CHRM3: variants seen among roughly 807,000 people sequenced by gnomAD.
CHRM3 encodes the protein cholinergic receptor muscarinic 3, also known as muscarinic acetylcholine receptor M3.
Under a neutral mutation model 41.8 loss-of-function variants are expected in CHRM3, and 11 were observed. The observed-to-expected ratio is 0.26, with a 90% confidence interval of 0.17 to 0.44. The LOEUF (loss-of-function observed/expected upper bound fraction) is 0.44, where lower values mean the gene tolerates loss of function less well. Ranked by LOEUF, CHRM3 falls within the 20% of genes least tolerant of loss-of-function variation. CHRM3 has a pLI of 1.00. For missense variants in CHRM3, 571 were observed against 745.4 expected (o/e 0.77, Z 2.72); for synonymous variants, 297 against 301.4 (o/e 0.99, Z 0.15).
chr1:239,863,212 C>T (rs1461779379), intron 6 of CHRM3, among the ~76,000 whole-genome samples: 1 of 152,092 alleles, frequency 6.6e-6, no homozygotes, highest in Admixed American at 6.5e-5. Context: ...AAAGAGACAC[C>T]CTGAATATAA....
chr1:239,699,388 G>A (rs1660483925), intron 5 of CHRM3, among the ~76,000 whole-genome samples: 1 of 152,096 alleles, frequency 6.6e-6, no homozygotes, highest in Non-Finnish European at 1.5e-5. Flanking sequence ...TATAAGAAGA[G>A]ATAGCTATCT....
chr1:239,412,835 C>T lies in CHRM3; in HGVS notation c.-521+25608C>T, dbSNP rs567066484. Reference sequence around the variant, plus strand: ...CAGACTTATTTCAAGATAAATCAGACTTTGGGAGGTCGAGGCGGGCAGATT... The same window carrying T: ...CAGACTTATTTCAAGATAAATCAGATTTTGGGAGGTCGAGGCGGGCAGATT... On this transcript the variant is annotated intron_variant, in intron 1 of 6. Transcript: ENST00000676153. Among the ~76,000 whole-genome samples, 18 of 152,008 alleles carry T rather than the reference C, an allele frequency of 1.2e-4. 1 individual carries two copies. Among genetic ancestry groups the T allele is most frequent in the African/African-American group, 3.9e-4 (16 of 41,462 alleles).
chr1:239,685,273 A>C (rs1352676146), intron 5 of CHRM3, among the ~76,000 whole-genome samples: 1 of 152,196 alleles, frequency 6.6e-6, no homozygotes, highest in African/African-American at 2.4e-5. Context: ...CTGTAAAAGT[A>C]AAAATAGTCA....
intron 6 of CHRM3, among the ~76,000 whole-genome samples, chr1:239,886,905 G>A (rs1455369254): frequency 6.6e-6 from 1 of 152,102 alleles, no homozygotes; most frequent in African/African-American, 2.4e-5. Flanking sequence ...TTTTATCAAA[G>A]CGACCTTTTC....
rs1553356875 is a variant in CHRM3, at chr1:239,662,893, C to CTTCTTCTTCTTCT, written c.-249-15292_-249-15291insTCTTCTTCTTCTT. Among the ~76,000 whole-genome samples, 312 of 46,398 alleles carry CTTCTTCTTCTTCT rather than the reference C, an allele frequency of 6.7e-3. 3 individuals carry two copies. Among genetic ancestry groups the CTTCTTCTTCTTCT allele is most frequent in the African/African-American group, 0.024 (300 of 12,722 alleles). The allele number at this position is 46,398 out of a possible 152,430, so 30.4% of individuals were successfully genotyped here. On this transcript the variant is annotated intron_variant, in intron 4 of 6. Coordinates refer to ENST00000676153, the MANE Select transcript of CHRM3 (RefSeq NM_001375978.1). ...TCTCCTCTTTCTCCTCTTCCTCCTC[C>CTTCTTCTTCTTCT]TCTTCTTCTTCTTCTTCTTCTTCTT...
chr1:239,879,580 C>T (rs374573344), intron 6 of CHRM3, among the ~76,000 whole-genome samples: 3 of 152,290 alleles, frequency 2.0e-5, no homozygotes, highest in Admixed American at 6.5e-5. Context: ...ATCAGGCTCC[C>T]GGGTGAACTG....
intron 5 of CHRM3, among the ~76,000 whole-genome samples, chr1:239,822,107 C>T (rs1251285586): frequency 3.9e-5 from 6 of 152,204 alleles, no homozygotes; most frequent in Admixed American, 3.9e-4. Context: ...TTCTTTATAG[C>T]AGTGTGAGAA....
chr1:239,897,851 T>A (rs1000560011), intron 6 of CHRM3, among the ~76,000 whole-genome samples: 2 of 152,238 alleles, frequency 1.3e-5, no homozygotes, highest in African/African-American at 4.8e-5. Context: ...AAAACTGTTA[T>A]TTCAGCAGCT....
At chr1:239,791,066 A>G (rs1031745994) in intron 5 of CHRM3, among the ~76,000 whole-genome samples, 3 of 148,676 alleles carry the variant, frequency 2.0e-5, no homozygotes, top group African/African-American at 7.5e-5. Flanking sequence ...AAAAAAAAAC[A>G]CACAAAACTA....
chr1:239,415,841 C>A (rs1000533681), intron 1 of CHRM3, among the ~76,000 whole-genome samples: 3 of 152,120 alleles, frequency 2.0e-5, no homozygotes, highest in African/African-American at 7.2e-5. Flanking sequence ...CTCTATGCAA[C>A]TTGGATGCTG....
intron 6 of CHRM3, among the ~76,000 whole-genome samples, chr1:239,897,388 T>C (rs532481789): frequency 3.8e-4 from 58 of 152,358 alleles, no homozygotes; most frequent in African/African-American, 1.3e-3. Context: ...CTTCACCAGG[T>C]GTCCTTTCAG....
intron 5 of CHRM3, among the ~76,000 whole-genome samples, chr1:239,754,419 T>A (rs1396445603): frequency 6.6e-6 from 1 of 152,206 alleles, no homozygotes; most frequent in Non-Finnish European, 1.5e-5. Flanking sequence ...AAATGGTAGT[T>A]CACTGAAGGC....
At chr1:239,640,224 C>T (rs1343761743) in intron 4 of CHRM3, among the ~76,000 whole-genome samples, 3 of 152,038 alleles carry the variant, frequency 2.0e-5, no homozygotes, top group Admixed American at 2.0e-4. Context: ...GTCTAAAATT[C>T]TCTTTTTTGG....
At chr1:239,573,654 G>A (rs995885536) in intron 3 of CHRM3, among the ~76,000 whole-genome samples, 2 of 151,718 alleles carry the variant, frequency 1.3e-5, no homozygotes, top group Admixed American at 1.3e-4. Context: ...CTCTAGTTCT[G>A]CCTGCTAATA....
chr1:239,484,338 G>A (rs1415552551), intron 1 of CHRM3, among the ~76,000 whole-genome samples: 1 of 152,130 alleles, frequency 6.6e-6, no homozygotes, highest in Non-Finnish European at 1.5e-5. Context: ...GGTATTCCAT[G>A]AACTAACTGA....
intron 5 of CHRM3, among the ~76,000 whole-genome samples, chr1:239,690,343 C>T (rs932144229): frequency 3.3e-5 from 5 of 152,020 alleles, no homozygotes; most frequent in African/African-American, 1.2e-4. Flanking sequence ...CCTCAGTATC[C>T]CGAGTAGCTG....
intron 2 of CHRM3, among the ~76,000 whole-genome samples, chr1:239,535,920 C>G (rs1435617168): frequency 2.0e-5 from 3 of 151,992 alleles, no homozygotes; most frequent in Admixed American, 2.0e-4. Context: ...GAAGGCAGCC[C>G]GGTCTGGAAT....
intron 1 of CHRM3, among the ~76,000 whole-genome samples, chr1:239,463,401 C>A (rs1463671910): frequency 6.6e-6 from 1 of 152,114 alleles, no homozygotes; most frequent in East Asian, 1.9e-4. Flanking sequence ...TTGCCCTTTT[C>A]CCCCAGGAAC....
intron 6 of CHRM3, among the ~76,000 whole-genome samples, chr1:239,894,531 C>G (rs1334988100): frequency 6.6e-6 from 1 of 152,164 alleles, no homozygotes. Flanking sequence ...CTCCCAGGTT[C>G]AAGCGATTCT....
Sources: allele counts gnomAD v4.1 joint callset (sites outside exome capture counted in the v4.1 genomes callset), GRCh38; gene constraint gnomAD v4.1.1; transcripts MANE v1.5; gene names NCBI Gene and HGNC (gene_info 2026-07-23, HGNC 2026-07-21).